LOC400499: variants seen among roughly 807,000 people sequenced by gnomAD.
At chr16:11,457,225 G>A in the LOC400499 span, 2 of 584,256 alleles carry the variant, frequency 3.4e-6, no homozygotes, top group Non-Finnish European at 6.0e-6. Context: ...GGAGAAATCT[G>A]AATTCTCATA....
At chr16:11,507,109 A>T in the LOC400499 span, among the ~76,000 whole-genome samples, 276 of 152,304 alleles carry the variant, frequency 1.8e-3, 2 homozygotes, top group African/African-American at 6.3e-3. Context: ...CACCCCTGCC[A>T]GGGGAAATGT....
chr16:11,464,367 T>C, the LOC400499 span, among the ~76,000 whole-genome samples: 1 of 152,224 alleles, frequency 6.6e-6, no homozygotes, highest in Non-Finnish European at 1.5e-5. Flanking sequence ...TTCCTCAAGG[T>C]GCACATGAAC....
chr16:11,464,515 G>T, the LOC400499 span, among the ~76,000 whole-genome samples: 2 of 152,358 alleles, frequency 1.3e-5, no homozygotes, highest in Non-Finnish European at 2.9e-5. Context: ...ACACTAGCAG[G>T]AGGGGGCACT....
the LOC400499 span, among the ~76,000 whole-genome samples, chr16:11,385,976 T>C: frequency 7.2e-5 from 11 of 152,096 alleles, no homozygotes; most frequent in Middle Eastern, 3.4e-3. Flanking sequence ...GTCAAAGCTA[T>C]GGTGAGCTGA....
At chr16:11,447,554 T>G in the LOC400499 span, among the ~76,000 whole-genome samples, 3 of 152,186 alleles carry the variant, frequency 2.0e-5, no homozygotes, top group Non-Finnish European at 4.4e-5. Context: ...CTGACTTATC[T>G]AAGGCCATAC....
chr16:11,479,179 G>A, the LOC400499 span, among the ~76,000 whole-genome samples: 1 of 152,192 alleles, frequency 6.6e-6, no homozygotes, highest in African/African-American at 2.4e-5. Flanking sequence ...TCCAGATGAG[G>A]CGTGCAAAAC....
chr16:11,521,570 A>T, the LOC400499 span, among the ~76,000 whole-genome samples: 1 of 152,130 alleles, frequency 6.6e-6, no homozygotes, highest in Non-Finnish European at 1.5e-5. Context: ...CACCCAGTCT[A>T]TTCCTTTGTC....
chr16:11,446,767 C>A, the LOC400499 span: 1 of 1,535,920 alleles, frequency 6.5e-7, no homozygotes, highest in Non-Finnish European at 8.7e-7. Context: ...TCCGGCCTGG[C>A]AGCCCAGGAC....
At chr16:11,494,871 C>T in the LOC400499 span, 22 of 397,898 alleles carry the variant, frequency 5.5e-5, no homozygotes, top group South Asian at 1.4e-4. Context: ...AGAGCTGAGT[C>T]CCCCAGAGTC....
At chr16:11,398,236 C>T in the LOC400499 span, 243 of 929,266 alleles carry the variant, frequency 2.6e-4, 1 homozygote, top group East Asian at 7.3e-3. Context: ...ACGATGGTGG[C>T]GTCTGGCTGC....
the LOC400499 span, chr16:11,391,723 G>A: frequency 3.2e-6 from 4 of 1,232,248 alleles, no homozygotes; most frequent in Non-Finnish European, 4.0e-6. Context: ...AGGTAAAGAG[G>A]CAGGTGCTGG....
At chr16:11,380,261 T>TGAAGGACTCCCTTTAGC in the LOC400499 span, among the ~76,000 whole-genome samples, 1 of 151,976 alleles carries the variant, frequency 6.6e-6, no homozygotes, top group Non-Finnish European at 1.5e-5. Context: ...TTTTTTGACT[T>TGAAGGACTCCCTTTAGC]GAAGGACTCC....
At chr16:11,420,694 T>C in the LOC400499 span, among the ~76,000 whole-genome samples, 26 of 138,322 alleles carry the variant, frequency 1.9e-4, no homozygotes, top group Admixed American at 4.1e-4. Flanking sequence ...GGAGCAGGGA[T>C]GACAGACGGG....
At chr16:11,402,265 G>A in the LOC400499 span, 6 of 398,406 alleles carry the variant, frequency 1.5e-5, no homozygotes, top group South Asian at 2.6e-4. Flanking sequence ...GCCAGCTCAC[G>A]CAAATGGCCA....
the LOC400499 span, among the ~76,000 whole-genome samples, chr16:11,502,649 C>T: frequency 6.7e-6 from 1 of 148,956 alleles, no homozygotes; most frequent in South Asian, 2.1e-4. Flanking sequence ...GAGTCTCACT[C>T]TGTTGCCCAG....
the LOC400499 span, chr16:11,396,716 G>T: frequency 8.1e-7 from 1 of 1,229,146 alleles, no homozygotes; most frequent in Non-Finnish European, 1.0e-6. Context: ...GCACAGGGGT[G>T]GCAGCTTCCT....
the LOC400499 span, among the ~76,000 whole-genome samples, chr16:11,375,211 G>C: frequency 1.4e-5 from 2 of 142,826 alleles, no homozygotes; most frequent in African/African-American, 2.8e-5. Context: ...TATACTCCCC[G>C]TAAGAATACA....
the LOC400499 span, among the ~76,000 whole-genome samples, chr16:11,516,995 A>G: frequency 1.3e-5 from 2 of 152,192 alleles, no homozygotes; most frequent in African/African-American, 4.8e-5. Context: ...AACAGCAAAT[A>G]CGGGGAGAGG....
chr16:11,432,292 C>T, the LOC400499 span, among the ~76,000 whole-genome samples: 1 of 152,218 alleles, frequency 6.6e-6, no homozygotes, highest in Admixed American at 6.5e-5. Context: ...CGTGAGCAAA[C>T]AAAATGGTTG....
Sources: allele counts gnomAD v4.1 joint callset (sites outside exome capture counted in the v4.1 genomes callset), GRCh38; gene constraint gnomAD v4.1.1; transcripts MANE v1.5.